Variants in CEP152 observed in about 807,000 individuals in gnomAD.
The protein encoded by CEP152 is centrosomal protein of 152 kDa.
Under a neutral mutation model 188.9 loss-of-function variants are expected in CEP152, and 132 were observed. That is an observed-to-expected ratio of 0.70 (90% CI 0.61 to 0.81). The LOEUF (loss-of-function observed/expected upper bound fraction) is 0.81. CEP152 is among the 30% of genes least tolerant of loss of function. The pLI, the probability that CEP152 is intolerant of heterozygous loss-of-function variation, is 0.00. For missense variants in CEP152, 1,914 were observed against 1,969.8 expected (o/e 0.97, Z 0.54); for synonymous variants, 649 against 666.6 (o/e 0.97, Z 0.41).
At chr15:48,732,630 C>G (rs915952895) in intron 2 of CEP152, among the ~76,000 whole-genome samples, 1 of 140,916 alleles carries the variant, frequency 7.1e-6, no homozygotes, top group Non-Finnish European at 1.5e-5. Flanking sequence ...ACCTAGGTAA[C>G]AAATCTGCAT....
At chr15:48,744,825 A>C (rs1440108813) in intron 23 of CEP152, 71 bp downstream of exon 23, 2 of 1,399,100 alleles carry the variant, frequency 1.4e-6, no homozygotes, top group Non-Finnish European at 1.9e-6. Context: ...AAAAATTGAT[A>C]CTTAAAAAAA....
At chr15:48,797,857 A>C in intron 3 of CEP152, 91 bp downstream of exon 3, 1 of 1,483,862 alleles carries the variant, frequency 6.7e-7, no homozygotes. Context: ...ATCAATTTAC[A>C]ATTTTATAAT....
At chr15:48,757,367 A>G (rs958946650) in intron 19 of CEP152, among the ~76,000 whole-genome samples, 1 of 152,228 alleles carries the variant, frequency 6.6e-6, no homozygotes, top group Non-Finnish European at 1.5e-5. Flanking sequence ...GGATTAAATG[A>G]CATAAGGACA....
intron 1 of CEP152, among the ~76,000 whole-genome samples, chr15:48,806,065 T>A (rs1340731180): frequency 6.6e-6 from 1 of 152,170 alleles, no homozygotes. Flanking sequence ...CATTTTTTTT[T>A]AATATCAGAA....
chr15:48,784,021 T>C lies in CEP152; in HGVS notation c.1273A>G (p.Arg425Gly), dbSNP rs775572072. 3.7e-6 allele frequency: 6 copies of C among 1,613,730 alleles called. No individual in the cohort carries two copies. The highest frequency in any genetic ancestry group is 1.3e-5 in the African/African-American group (1 of 74,898). The change falls in exon 10 of 27, where the codon AGA becomes GGA. Residue 425 changes from arginine (R) to glycine (G), a missense_variant. Transcript: ENST00000380950. ...EKTEIINKLTRSLEESQKQCA... is the reference protein window; with the variant it reads ...EKTEIINKLTGSLEESQKQCA... ...TGCTTTTGACTCTCCTCTAGACTTC[T>C]TGTCAACTTATTAATGATCTCAGTC... is the stretch of plus-strand genomic sequence containing the variant.
Position 48,787,162 on chromosome 15 carries a change from C to T in CEP152, c.1173+1639G>A, listed in dbSNP as rs58612047. Reference sequence around the variant, plus strand: ...CTTTTCAATAATTTGGTATAGCCTTCGTTTTTTTTTTTTTTTTTTTCTGGA... The same window carrying T: ...CTTTTCAATAATTTGGTATAGCCTTTGTTTTTTTTTTTTTTTTTTTCTGGA... On this transcript the variant is annotated intron_variant, in intron 9 of 26. Coordinates refer to ENST00000380950, the MANE Select transcript of CEP152 (RefSeq NM_001194998.2). Among the ~76,000 whole-genome samples the T allele has an allele frequency of 9.7e-3, 362 of 37,152 alleles. 2 individuals carry two copies. The highest frequency in any genetic ancestry group is 0.024 in the African/African-American group (340 of 14,180). 24.4% of individuals were successfully genotyped at this position (37,152 alleles called of 152,430 possible).
intron 12 of CEP152, 56 bp from the exon 13 acceptor site, chr15:48,772,747 T>A: frequency 6.7e-7 from 1 of 1,490,768 alleles, no homozygotes; most frequent in East Asian, 2.3e-5. Flanking sequence ...CAGACATGGT[T>A]ATTCCCTAAA....
At chr15:48,749,111 T>C (rs753837149) in intron 21 of CEP152, among the ~76,000 whole-genome samples, 50 of 152,116 alleles carry the variant, frequency 3.3e-4, no homozygotes, top group South Asian at 6.2e-4. Flanking sequence ...TAATGAAATA[T>C]AGTAATGAAT....
Position 48,784,027 on chromosome 15 carries a change from A to T in CEP152, c.1267T>A (p.Leu423Met). 1.9e-6 allele frequency: 3 copies of T among 1,613,860 alleles called. No homozygotes were observed. Among genetic ancestry groups the T allele is most frequent in the Non-Finnish European group, 2.5e-6 (3 of 1,179,914 alleles). ...KLEKTEIINK[L>M]TRSLEESQKQ... ...TGACTCTCCTCTAGACTTCTTGTCA[A>T]CTTATTAATGATCTCAGTCTTTTCT... Residue 423 changes from leucine to methionine, a missense_variant, in exon 10 of 27, where the codon TTG becomes ATG. Leu to Met is a conservative substitution (Grantham distance 15). Coordinates refer to ENST00000380950, the MANE Select transcript of CEP152 (RefSeq NM_001194998.2).
intron 10 of CEP152, chr15:48,783,183 G>A (rs754015895): frequency 2.7e-4 from 41 of 152,152 alleles, no homozygotes; most frequent in African/African-American, 9.2e-4. Flanking sequence ...TCTATATAGC[G>A]GTGTTTGTAC....
intron 26 of CEP152, chr15:48,741,119 T>C: frequency 4.0e-6 from 4 of 991,072 alleles, no homozygotes; most frequent in Non-Finnish European, 4.7e-6. Flanking sequence ...TTCTGGTCTA[T>C]CCACTGCAAA....
chr15:48,795,252 C>A (rs900593258), intron 6 of CEP152, among the ~76,000 whole-genome samples: 2 of 151,902 alleles, frequency 1.3e-5, no homozygotes, highest in African/African-American at 2.4e-5. Flanking sequence ...TTTTTTCATT[C>A]TCATATTTAT....
chr15:48,739,148 T>C lies in CEP152; in HGVS notation c.4234A>G (p.Lys1412Glu). Residue 1412 changes from lysine to glutamate, a missense_variant, in exon 27 of 27, where the codon AAG becomes GAG. Coordinates refer to ENST00000380950, the MANE Select transcript of CEP152 (RefSeq NM_001194998.2). ...TGTAAGTTACAAGCTGCCCTCCTCT[T>C]GGGAGCTTGTTCGCACAGAGTTCTG... ...ITRTLCEQAP[K>E]RRAACNLQRL... 1 of 1,614,212 alleles carries C rather than the reference T, an allele frequency of 6.2e-7. No homozygotes were observed. The highest frequency in any genetic ancestry group is 8.5e-7 in the Non-Finnish European group (1 of 1,180,018).
At chr15:48,784,238 A>G in intron 9 of CEP152, 118 bp from the exon 10 acceptor site, 7 of 982,854 alleles carry the variant, frequency 7.1e-6, no homozygotes, top group Non-Finnish European at 7.6e-6. Flanking sequence ...ACATGGGAGC[A>G]TCACCTCTTT....
Position 48,741,424 on chromosome 15 carries a change from CTACT to C in CEP152, c.4093+173_4093+176del. On this transcript the variant is annotated intron_variant, in intron 26 of 26. Coordinates refer to ENST00000380950, the MANE Select transcript of CEP152 (RefSeq NM_001194998.2). ...AAACTGATGGGCATGCTCAGTCTGC[CTACT>C]TAAATTGGAAACTGTGTACTCTTTT... The C allele has an allele frequency of 2.1e-6, 3 of 1,458,332 alleles. No homozygotes were observed. The South Asian group carries it at 4.3e-5, about 21-fold the overall frequency. The allele number at this position is 1,458,332 out of a possible 1,614,324, so 90.3% of individuals were successfully genotyped here.
chr15:48,739,103 C>T lies in CEP152; in HGVS notation c.4279G>A (p.Glu1427Lys). The change falls in exon 27 of 27, where the codon GAG (glutamate) becomes AAG (lysine). Residue 1427 changes from glutamate (E) to lysine (K), a missense_variant. Coordinates refer to ENST00000380950, the MANE Select transcript of CEP152 (RefSeq NM_001194998.2). ...CCCACATGCTTTATGCTCTGATGCTCTGAGTTCTCTAACAGCCTTTGTAAG... is the reference window on the plus strand; with the variant it reads ...CCCACATGCTTTATGCTCTGATGCTTTGAGTTCTCTAACAGCCTTTGTAAG... ...CNLQRLLENS[E>K]HQSIKHVGSK... 6.2e-7 allele frequency: 1 copy of T among 1,614,202 alleles called. No individual in the cohort carries two copies. Among genetic ancestry groups the T allele is most frequent in the Non-Finnish European group, 8.5e-7 (1 of 1,180,016 alleles).
chr15:48,772,719 T>G, intron 12 of CEP152, 28 bp from the exon 13 acceptor site: 1 of 1,574,780 alleles, frequency 6.4e-7, no homozygotes, highest in Non-Finnish European at 8.7e-7. Flanking sequence ...ATTTTTAACA[T>G]TAAATCAAGT....
In CEP152 at chr15:48,755,942, A is replaced by G; in HGVS notation, c.3306T>C (p.Leu1102=). The part of the protein sequence containing the change: ...GCIQKAFQDT[L]PLLVENADPE... ...GGTCAGCGTTTTCTACAAGCAGAGG[A>G]AGTGTATCTTGAAATGCTTTCTGTA... Residue 1102 remains leucine, a synonymous_variant, in exon 20 of 27, where the codon CTT becomes CTC. Transcript: ENST00000380950. 1 of 1,613,996 alleles carries G rather than the reference A, an allele frequency of 6.2e-7. No homozygotes were observed. Among genetic ancestry groups the G allele is most frequent in the Non-Finnish European group, 8.5e-7 (1 of 1,179,936 alleles).
chr15:48,742,276 A>C (rs1302214673), intron 24 of CEP152, among the ~76,000 whole-genome samples, 176 bp from the exon 25 acceptor site: 1 of 152,168 alleles, frequency 6.6e-6, no homozygotes, highest in Admixed American at 6.5e-5. Context: ...ATTTTGGTAG[A>C]CTCAAATGAG....
Sources: allele counts gnomAD v4.1 joint callset (sites outside exome capture counted in the v4.1 genomes callset), GRCh38; gene constraint gnomAD v4.1.1; transcripts MANE v1.5; gene names NCBI Gene and HGNC (gene_info 2026-07-23, HGNC 2026-07-21).